CDC42SE2: variants seen among roughly 807,000 people sequenced by gnomAD.
CDC42SE2 encodes the protein CDC42 small effector 2.
CDC42SE2 carries 3 observed loss-of-function variants against 11.5 expected under a neutral mutation model. That is an observed-to-expected ratio of 0.26 (90% CI 0.12 to 0.67). The LOEUF is 0.67. Ranked by LOEUF, CDC42SE2 falls within the 30% of genes least tolerant of loss-of-function variation. The pLI, the probability that CDC42SE2 is intolerant of heterozygous loss-of-function variation, is 0.80. For missense variants in CDC42SE2, 82 were observed against 106.8 expected, an observed-to-expected ratio of 0.77 and a Z score of 1.02; for synonymous variants, 33 against 34.8, an observed-to-expected ratio of 0.95 and a Z score of 0.18.
chr5:131,281,010 A>G (rs1757227509), intron 1 of CDC42SE2, among the ~76,000 whole-genome samples: 1 of 152,214 alleles, frequency 6.6e-6, no homozygotes, highest in Non-Finnish European at 1.5e-5. Flanking sequence ...GGTATATTGC[A>G]TTCTTTGGAA....
In CDC42SE2 at chr5:131,359,300, A is replaced by G; in HGVS notation, c.-194A>G. 3.3e-6 allele frequency: 2 copies of G among 608,730 alleles called. No homozygotes were observed. The highest frequency in any genetic ancestry group is 5.9e-6 in the Non-Finnish European group (2 of 339,714). The allele number at this position is 608,730 out of a possible 1,614,324, so 37.7% of individuals were successfully genotyped here. ...TCTCTGTAGAACCAGAAGCAAAGAA[A>G]GGAAACAATCCAAATTTTTCTTTAT... is the stretch of plus-strand genomic sequence containing the variant. On this transcript the variant is annotated 5_prime_UTR_variant, in exon 3 of 5. Coordinates refer to ENST00000505065, the MANE Select transcript of CDC42SE2 (RefSeq NM_001375635.1).
the CDC42SE2 span, among the ~76,000 whole-genome samples, chr5:131,226,726 G>A: frequency 6.6e-6 from 1 of 152,308 alleles, no homozygotes; most frequent in African/African-American, 2.4e-5. Context: ...TCAGTAGGTT[G>A]TTGAACTCAC....
chr5:131,374,546 A>G (rs1396789290), intron 3 of CDC42SE2, among the ~76,000 whole-genome samples: 1 of 151,850 alleles, frequency 6.6e-6, no homozygotes, highest in East Asian at 1.9e-4. Context: ...AAAAAAAAAA[A>G]AAAAGTTAAG....
intron 3 of CDC42SE2, among the ~76,000 whole-genome samples, chr5:131,362,730 G>A (rs1749743539): frequency 6.6e-6 from 1 of 152,210 alleles, no homozygotes; most frequent in African/African-American, 2.4e-5. Context: ...GAGCCCCAAT[G>A]TTTTGAGCCG....
intron 1 of CDC42SE2, among the ~76,000 whole-genome samples, chr5:131,250,356 G>GA (rs1756630126): frequency 6.6e-6 from 1 of 152,122 alleles, no homozygotes; most frequent in Non-Finnish European, 1.5e-5. Context: ...CATGTTAGTT[G>GA]AAAAGAATAG....
chr5:131,288,177 T>C (rs1483791698), intron 1 of CDC42SE2, among the ~76,000 whole-genome samples: 1 of 151,616 alleles, frequency 6.6e-6, no homozygotes, highest in Non-Finnish European at 1.5e-5. Context: ...TGGGTCATGA[T>C]CATCCCACTA....
intron 1 of CDC42SE2, among the ~76,000 whole-genome samples, chr5:131,248,933 A>T (rs1360887511): frequency 2.6e-5 from 4 of 151,854 alleles, no homozygotes; most frequent in Non-Finnish European, 5.9e-5. Flanking sequence ...TTCCTACAAG[A>T]GCTTTAATGG....
At chr5:131,220,262 C>T in the CDC42SE2 span, among the ~76,000 whole-genome samples, 5 of 152,034 alleles carry the variant, frequency 3.3e-5, no homozygotes, top group Middle Eastern at 3.4e-3. Context: ...GCTGGAGTGC[C>T]GTGGCACCAT....
intron 1 of CDC42SE2, among the ~76,000 whole-genome samples, chr5:131,295,075 C>T (rs1472987055): frequency 2.0e-5 from 3 of 151,156 alleles, no homozygotes; most frequent in Non-Finnish European, 4.4e-5. Flanking sequence ...TGCAGTGAGC[C>T]GAGATCATGC....
intron 2 of CDC42SE2, among the ~76,000 whole-genome samples, chr5:131,339,245 T>TA (rs1758650062): frequency 4.5e-5 from 2 of 44,584 alleles, no homozygotes; most frequent in African/African-American, 1.4e-4. Context: ...AGACTCTGTC[T>TA]GAAAAAAAAA....
At chr5:131,215,900 T>C in the CDC42SE2 span, among the ~76,000 whole-genome samples, 1 of 152,250 alleles carries the variant, frequency 6.6e-6, no homozygotes, top group Non-Finnish European at 1.5e-5. Flanking sequence ...TTTTAAAAAT[T>C]ATGATGGTTA....
At chr5:131,365,783 C>T (rs187180420) in intron 3 of CDC42SE2, among the ~76,000 whole-genome samples, 1 of 152,112 alleles carries the variant, frequency 6.6e-6, no homozygotes, top group South Asian at 2.1e-4. Context: ...AAGATCGAGA[C>T]CATCCTGGCT....
At chr5:131,293,850 C>A (rs13158215) in intron 1 of CDC42SE2, among the ~76,000 whole-genome samples, 86,746 of 152,080 alleles carry the variant, frequency 0.57, 28,709 homozygotes, top group Non-Finnish European at 0.76. Flanking sequence ...TGTGCCAGGT[C>A]CTGACTGAAA....
intron 1 of CDC42SE2, among the ~76,000 whole-genome samples, chr5:131,304,267 A>C (rs1248090361): frequency 1.3e-5 from 2 of 152,212 alleles, no homozygotes; most frequent in African/African-American, 4.8e-5. Context: ...TACAGGCATG[A>C]GACACTGTAC....
chr5:131,319,818 G>A (rs1335997290), intron 2 of CDC42SE2, among the ~76,000 whole-genome samples: 3 of 151,792 alleles, frequency 2.0e-5, no homozygotes, highest in East Asian at 1.9e-4. Flanking sequence ...TTGGGAGGCC[G>A]AGGCAGGCGG....
intron 2 of CDC42SE2, among the ~76,000 whole-genome samples, chr5:131,347,772 C>G (rs1220519153): frequency 6.6e-6 from 1 of 152,156 alleles, no homozygotes; most frequent in African/African-American, 2.4e-5. Flanking sequence ...CAAACCAAAT[C>G]CAGCAGCACC....
intron 4 of CDC42SE2, among the ~76,000 whole-genome samples, chr5:131,390,691 G>A (rs990477557): frequency 6.6e-6 from 1 of 151,944 alleles, no homozygotes; most frequent in South Asian, 2.1e-4. Context: ...AGAAAGTGGA[G>A]TTGATCTATA....
intron 2 of CDC42SE2, among the ~76,000 whole-genome samples, chr5:131,357,948 C>T (rs576650288): frequency 9.2e-5 from 14 of 152,300 alleles, no homozygotes; most frequent in South Asian, 6.2e-4. Flanking sequence ...ATACTGCCAC[C>T]CACTTTCTCC....
At chr5:131,279,105 G>C (rs973777324) in intron 1 of CDC42SE2, among the ~76,000 whole-genome samples, 1 of 151,944 alleles carries the variant, frequency 6.6e-6, no homozygotes, top group African/African-American at 2.4e-5. Context: ...ATTTCTTATG[G>C]TTTAGTCTAG....
Sources: gnomAD v4.1 joint callset for allele counts (sites outside exome capture counted in the v4.1 genomes callset) on GRCh38, gnomAD v4.1.1 for gene constraint, MANE v1.5 for transcripts, NCBI Gene and HGNC (gene_info 2026-07-23, HGNC 2026-07-21) for gene names.